Variants in H4C15 observed in about 807,000 individuals in gnomAD.
H4C15 encodes the protein H4 clustered histone 15.
chr1:149,850,321 G>A (rs1280427148), downstream of H4C15: 2 of 1,269,056 alleles, frequency 1.6e-6, no homozygotes, highest in African/African-American at 1.5e-5. Flanking sequence ...AAGAGCCTTT[G>A]GAGACAAAGC....
chr1:149,850,295 G>A, downstream of H4C15: 2 of 1,437,388 alleles, frequency 1.4e-6, no homozygotes, highest in Non-Finnish European at 1.9e-6. Flanking sequence ...AACTGAGGTG[G>A]TTAAATGGCC....
chr1:149,847,216 C>G, the H4C15 span: 7 of 152,328 alleles, frequency 4.6e-5, no homozygotes, highest in South Asian at 1.2e-3. Flanking sequence ...CCTGGATAAT[C>G]TGGCATAATC....
chr1:149,850,556 C>T (rs1272942950), downstream of H4C15: 14 of 705,466 alleles, frequency 2.0e-5, no homozygotes, highest in African/African-American at 2.5e-4. Context: ...TCCCGCGATG[C>T]GCTCGAAGAT....
chr1:149,847,805 CAAGA>C, the H4C15 span: 3 of 152,188 alleles, frequency 2.0e-5, no homozygotes, highest in Admixed American at 6.6e-5. Flanking sequence ...AACTCCATCT[CAAGA>C]AAGAAAGTAA....
At chr1:149,850,833 T>C, downstream of H4C15, 2 of 161,592 alleles carry the variant, frequency 1.2e-5, no homozygotes, top group Admixed American at 1.7e-4. Flanking sequence ...AGGCTCGGGG[T>C]CTACCGGAAA....
chr1:149,848,759 AAAAT>A, the H4C15 span: 1 of 152,238 alleles, frequency 6.6e-6, no homozygotes, highest in African/African-American at 2.4e-5. Context: ...AACAATTAGA[AAAAT>A]AAATGCTACC....
chr1:149,850,642 C>G (rs2092174646), downstream of H4C15: 1 of 482,334 alleles, frequency 2.1e-6, no homozygotes, highest in African/African-American at 4.2e-5. Flanking sequence ...GCTTCAGCAC[C>G]TTGTACACGT....
downstream of H4C15, among the ~76,000 whole-genome samples, chr1:149,849,257 T>C (rs1249245951): frequency 3.3e-5 from 5 of 152,240 alleles, no homozygotes; most frequent in Non-Finnish European, 7.3e-5. Flanking sequence ...CTTTAGCATA[T>C]ATCACCATCA....
downstream of H4C15, among the ~76,000 whole-genome samples, chr1:149,849,823 T>C (rs782065503): frequency 7.5e-4 from 114 of 152,234 alleles, no homozygotes; most frequent in Non-Finnish European, 9.7e-4. Flanking sequence ...TAGGCACGTG[T>C]TTGTGAACCA....
At chr1:149,847,272 G>A in the H4C15 span, 1 of 152,128 alleles carries the variant, frequency 6.6e-6, no homozygotes, top group African/African-American at 2.4e-5. Flanking sequence ...GGCTATATAA[G>A]GTAATATTCA....
chr1:149,850,526 T>G (rs1553757674), downstream of H4C15: 2 of 811,958 alleles, frequency 2.5e-6, no homozygotes, highest in Admixed American at 4.7e-5. Flanking sequence ...CTTGTTGTAG[T>G]GCGCCAGGCG....
At chr1:149,849,268 C>T (rs2092158875), downstream of H4C15, among the ~76,000 whole-genome samples, 1 of 152,228 alleles carries the variant, frequency 6.6e-6, no homozygotes, top group Non-Finnish European at 1.5e-5. Flanking sequence ...ATCACCATCA[C>T]CCAGAAAGCT....
At chr1:149,858,680 GGAAA>G (rs1189778934), downstream of H4C15, among the ~76,000 whole-genome samples, 8 of 94,392 alleles carry the variant, frequency 8.5e-5, no homozygotes, top group South Asian at 3.2e-4. Flanking sequence ...AGGGAGGGAG[GGAAA>G]GAAAGAAGAA....
chr1:149,858,723 T>G (rs2092192566), downstream of H4C15, among the ~76,000 whole-genome samples: 6 of 82,962 alleles, frequency 7.2e-5, no homozygotes, highest in Non-Finnish European at 2.5e-5. Context: ...GTTACCTGCA[T>G]CAGTGGCTTT....
At chr1:149,844,961 A>G in the H4C15 span, 1 of 152,244 alleles carries the variant, frequency 6.6e-6, no homozygotes, top group Non-Finnish European at 1.5e-5. Flanking sequence ...CAACAGGGAA[A>G]AGTTGAGTTT....
downstream of H4C15, chr1:149,849,089 C>G (rs12119601): frequency 0.28 from 43,121 of 152,154 alleles, 6,684 homozygotes; most frequent in East Asian, 0.47. Context: ...GTACCACTAT[C>G]TACACAGTTG....
downstream of H4C15, chr1:149,850,508 G>A (rs1553757672): frequency 1.2e-6 from 1 of 833,246 alleles, no homozygotes; most frequent in Non-Finnish European, 1.9e-6. Context: ...GGACGTGATG[G>A]TGGAGCGCTT....
At chr1:149,850,018 G>A (rs377020862), downstream of H4C15, among the ~76,000 whole-genome samples, 361 of 152,294 alleles carry the variant, frequency 2.4e-3, 2 homozygotes, top group Middle Eastern at 0.017. Context: ...TTAACACTGC[G>A]TTTCTCAACA....
chr1:149,846,629 G>C, the H4C15 span: 1 of 152,120 alleles, frequency 6.6e-6, no homozygotes, highest in Non-Finnish European at 1.5e-5. Context: ...CAATTTTGCT[G>C]CATTTGCCTT....
Sources: gnomAD v4.1 joint callset for allele counts (sites outside exome capture counted in the v4.1 genomes callset) on GRCh38, gnomAD v4.1.1 for gene constraint, MANE v1.5 for transcripts, NCBI Gene and HGNC (gene_info 2026-07-23, HGNC 2026-07-21) for gene names.